The following GSG1L variants were observed in gnomAD, a reference collection of about 807,000 sequenced individuals.
GSG1L encodes germ cell-specific gene 1-like protein.
Under a neutral mutation model 42.1 loss-of-function variants are expected in GSG1L, and 24 were observed. That is an observed-to-expected ratio of 0.57 (90% confidence interval 0.41 to 0.80). GSG1L has a LOEUF of 0.80. Ranked by LOEUF, GSG1L falls within the 30% of genes least tolerant of loss-of-function variation. GSG1L has a pLI of 0.00. For synonymous variants in GSG1L, 215 were observed against 203.5 expected (o/e 1.06, Z -0.48); for missense variants, 445 against 472.2 (o/e 0.94, Z 0.53).
chr16:27,872,153 TG>T (rs1258855683), intron 3 of GSG1L, among the ~76,000 whole-genome samples: 1 of 152,192 alleles, frequency 6.6e-6, no homozygotes, highest in Non-Finnish European at 1.5e-5. Flanking sequence ...GTATTATATC[TG>T]GGCAGCTGCA....
chr16:28,026,897 C>T (rs969919145), intron 1 of GSG1L, among the ~76,000 whole-genome samples: 1 of 152,158 alleles, frequency 6.6e-6, no homozygotes, highest in Non-Finnish European at 1.5e-5. Flanking sequence ...GCCTGGCGAA[C>T]ATGGTGAAAC....
chr16:28,010,041 C>T (rs779682973), intron 1 of GSG1L, among the ~76,000 whole-genome samples: 1 of 152,130 alleles, frequency 6.6e-6, no homozygotes, highest in Non-Finnish European at 1.5e-5. Context: ...TGTATATCGG[C>T]GCCAACAGGA....
chr16:27,866,158 C>T (rs550348113), intron 3 of GSG1L, among the ~76,000 whole-genome samples: 57 of 152,286 alleles, frequency 3.7e-4, no homozygotes, highest in African/African-American at 1.0e-3. Context: ...CTCTCTCTGT[C>T]TGTCCTCTCA....
At chr16:27,847,002 G>C (rs1425480559) in intron 3 of GSG1L, among the ~76,000 whole-genome samples, 1 of 150,132 alleles carries the variant, frequency 6.7e-6, no homozygotes, top group Non-Finnish European at 1.5e-5. Flanking sequence ...GTTTTCAAAA[G>C]CTTGTTCATT....
chr16:28,009,069 G>A (rs189602407), intron 1 of GSG1L, among the ~76,000 whole-genome samples: 10 of 152,168 alleles, frequency 6.6e-5, no homozygotes, highest in South Asian at 2.1e-4. Context: ...TTGGCCTCCC[G>A]AAGTACTGGG....
chr16:28,025,291 C>T (rs1483139285), intron 1 of GSG1L, among the ~76,000 whole-genome samples: 1 of 152,162 alleles, frequency 6.6e-6, no homozygotes, highest in Non-Finnish European at 1.5e-5. Flanking sequence ...GCCTGGCCAG[C>T]AGCTAGGGCC....
intron 3 of GSG1L, among the ~76,000 whole-genome samples, chr16:27,861,741 C>T (rs2083655089): frequency 6.6e-6 from 1 of 152,170 alleles, no homozygotes; most frequent in African/African-American, 2.4e-5. Context: ...GACCCAGGGC[C>T]TTTGCATGCA....
At chr16:28,011,733 G>A (rs2141156628) in intron 1 of GSG1L, among the ~76,000 whole-genome samples, 1 of 152,314 alleles carries the variant, frequency 6.6e-6, no homozygotes, top group South Asian at 2.1e-4. Flanking sequence ...TAGAGCAACT[G>A]TCTAGAGGGA....
intron 1 of GSG1L, among the ~76,000 whole-genome samples, chr16:28,034,428 C>T (rs1026315417): frequency 1.3e-5 from 2 of 151,984 alleles, no homozygotes; most frequent in South Asian, 2.1e-4. Flanking sequence ...AGACAAATTT[C>T]TACTGGCTTA....
At chr16:27,818,125 GC>G (rs2083116526) in intron 5 of GSG1L, among the ~76,000 whole-genome samples, 2 of 152,204 alleles carry the variant, frequency 1.3e-5, no homozygotes, top group African/African-American at 4.8e-5. Flanking sequence ...GAGGGGCTCA[GC>G]CCAGCCCAGG....
At chr16:27,800,593 A>C (rs959906599) in intron 6 of GSG1L, among the ~76,000 whole-genome samples, 1 of 152,202 alleles carries the variant, frequency 6.6e-6, no homozygotes, top group African/African-American at 2.4e-5. Flanking sequence ...CAAAGCCCCA[A>C]AGGCAGGTTT....
At chr16:28,047,540 T>C (rs778019747) in intron 1 of GSG1L, among the ~76,000 whole-genome samples, 8 of 152,102 alleles carry the variant, frequency 5.3e-5, no homozygotes, top group Non-Finnish European at 7.3e-5. Flanking sequence ...TAAAGCTAAC[T>C]CTATGTTCTT....
intron 6 of GSG1L, among the ~76,000 whole-genome samples, chr16:27,800,289 T>A (rs1053558389): frequency 1.3e-5 from 2 of 152,220 alleles, no homozygotes; most frequent in African/African-American, 2.4e-5. Context: ...GAAAAATTCT[T>A]TCTTGAAATT....
chr16:27,827,171 C>T (rs1001647056), intron 5 of GSG1L, among the ~76,000 whole-genome samples: 1 of 152,220 alleles, frequency 6.6e-6, no homozygotes, highest in Non-Finnish European at 1.5e-5. Flanking sequence ...CAGGGCCTGG[C>T]ACATAACTTG....
At chr16:27,868,854 G>A (rs1358762935) in intron 3 of GSG1L, among the ~76,000 whole-genome samples, 4 of 152,096 alleles carry the variant, frequency 2.6e-5, no homozygotes, top group South Asian at 4.2e-4. Context: ...TCCCCAGCTC[G>A]CTCACTCATC....
At chr16:28,053,083 C>A (rs1281669184) in intron 1 of GSG1L, among the ~76,000 whole-genome samples, 1 of 152,178 alleles carries the variant, frequency 6.6e-6, no homozygotes, top group Non-Finnish European at 1.5e-5. Flanking sequence ...GCCTCCCATG[C>A]CCTCTTCCAG....
At chr16:27,874,371 A>G (rs1024361495) in intron 3 of GSG1L, among the ~76,000 whole-genome samples, 4 of 150,056 alleles carry the variant, frequency 2.7e-5, no homozygotes, top group African/African-American at 9.8e-5. Context: ...GACATGGCCA[A>G]TGATTCCATC....
chr16:27,860,502 G>T (rs2083634885), intron 3 of GSG1L, among the ~76,000 whole-genome samples: 1 of 152,216 alleles, frequency 6.6e-6, no homozygotes, highest in Non-Finnish European at 1.5e-5. Context: ...CTGTCCTCTG[G>T]CAGAGTTTGC....
At chr16:27,840,126 C>T (rs1179820218) in intron 4 of GSG1L, among the ~76,000 whole-genome samples, 1 of 151,192 alleles carries the variant, frequency 6.6e-6, no homozygotes, top group African/African-American at 2.4e-5. Context: ...ACCTCCTGGG[C>T]TTGAGTGTCC....
Sources: gnomAD v4.1 joint callset for allele counts (sites outside exome capture counted in the v4.1 genomes callset) on GRCh38, gnomAD v4.1.1 for gene constraint, MANE v1.5 for transcripts, NCBI Gene and HGNC (gene_info 2026-07-23, HGNC 2026-07-21) for gene names.